Variants in MYO18B observed in about 807,000 individuals in gnomAD.
MYO18B encodes myosin XVIIIB.
A neutral mutation model predicts 273.0 loss-of-function variants in MYO18B; 204 were observed. The ratio of observed to expected loss-of-function variants is 0.75; its 90% CI spans 0.67 to 0.84. MYO18B has a LOEUF of 0.84. MYO18B is among the 40% of genes least tolerant of loss of function. The pLI, the probability that MYO18B is intolerant of heterozygous loss-of-function variation, is 0.00. For missense variants in MYO18B, 3,212 were observed against 3,287.6 expected, an observed-to-expected ratio of 0.98 and a Z score of 0.56; for synonymous variants, 1,330 against 1,305.7, an observed-to-expected ratio of 1.02 and a Z score of -0.40.
intron 36 of MYO18B, among the ~76,000 whole-genome samples, chr22:25,949,994 C>T (rs933736826): frequency 2.0e-5 from 3 of 152,202 alleles, no homozygotes; most frequent in Non-Finnish European, 4.4e-5. Context: ...AGAGGCTCCA[C>T]AGCTTGCTAA....
At chr22:25,935,240 A>T (rs1455788015) in intron 34 of MYO18B, among the ~76,000 whole-genome samples, 1 of 152,152 alleles carries the variant, frequency 6.6e-6, no homozygotes, top group Non-Finnish European at 1.5e-5. Context: ...AAAAGCAGAC[A>T]CTTCCATAAG....
At chr22:25,866,165 A>T (rs1480255374) in intron 21 of MYO18B, among the ~76,000 whole-genome samples, 1 of 150,184 alleles carries the variant, frequency 6.7e-6, no homozygotes, top group Non-Finnish European at 1.5e-5. Flanking sequence ...GCCTCATAAT[A>T]CCTTTTGCTT....
chr22:25,928,867 A>T (rs542227581), intron 34 of MYO18B, among the ~76,000 whole-genome samples: 69 of 152,168 alleles, frequency 4.5e-4, no homozygotes, highest in Middle Eastern at 3.4e-3. Flanking sequence ...AAACCCTAAG[A>T]CAGTGATCTC....
At chr22:26,013,877 G>A (rs1935102985) in intron 42 of MYO18B, among the ~76,000 whole-genome samples, 1 of 151,914 alleles carries the variant, frequency 6.6e-6, no homozygotes, top group Non-Finnish European at 1.5e-5. Flanking sequence ...CTTTTGTATT[G>A]ATCTGTAGTT....
rs754080627 is a variant in MYO18B at position 25,950,394 on chromosome 22, G to A, written c.5776G>A (p.Glu1926Lys). 3 of 1,606,716 alleles carry A rather than the reference G, an allele frequency of 1.9e-6. No homozygotes were observed. The highest frequency in any genetic ancestry group is 2.5e-6 in the Non-Finnish European group (3 of 1,176,620). The change falls in exon 37 of 44, where the codon GAA becomes AAA. Residue 1926 changes from glutamate (E) to lysine (K), a missense_variant. Transcript: ENST00000335473. ...QSAADIGQIQ[E>K]LQLQLEEAKK... ...TGCTGCTGACATTGGGCAGATCCAA[G>A]AACTGCAGCTGCAGCTGGAGGAAGC...
intron 25 of MYO18B, among the ~76,000 whole-genome samples, chr22:25,887,651 C>G (rs1290326766): frequency 6.6e-6 from 1 of 152,142 alleles, no homozygotes; most frequent in African/African-American, 2.4e-5. Context: ...CCTGACAGCT[C>G]TGAGCATGGT....
chr22:25,949,053 G>C (rs1333934409), intron 36 of MYO18B, among the ~76,000 whole-genome samples: 4 of 152,168 alleles, frequency 2.6e-5, no homozygotes, highest in Non-Finnish European at 2.9e-5. Context: ...CTCAGCAAAA[G>C]AAGAGGATCA....
In MYO18B at chr22:25,874,312, C is replaced by T. The variant is rs1283946344; in HGVS notation, c.3978C>T (p.Ser1326=). ...SQVFLKAGVI[S]RLEKQREKLV... ...TTTTTCTCAAGGCAGGTGTGATCTC[C>T]AGGCTTGAGAAGCAGCGAGAGAAGC... Residue 1326 remains serine, a synonymous_variant, in exon 23 of 44, where the codon TCC becomes TCT. Transcript: ENST00000335473. 1.2e-6 allele frequency: 2 copies of T among 1,613,928 alleles called. No homozygotes were observed. The highest frequency in any genetic ancestry group is 1.1e-5 in the South Asian group (1 of 91,074).
At position 25,877,949 on chromosome 22, in the gene MYO18B, G is replaced by C. The variant is rs2091245485; in HGVS notation, c.4225-10G>C. ...TGGAATGGTTTCTGTTCATGTGTTTGTTTTTGTAGGAGGAGCTTACAACGC... is the reference window on the plus strand; with the variant it reads ...TGGAATGGTTTCTGTTCATGTGTTTCTTTTTGTAGGAGGAGCTTACAACGC... On this transcript the variant is annotated splice_polypyrimidine_tract_variant and intron_variant, in intron 24 of 43. Coordinates refer to ENST00000335473, the MANE Select transcript of MYO18B (RefSeq NM_032608.7). 3.8e-6 allele frequency: 6 copies of C among 1,564,226 alleles called. No individual in the cohort carries two copies. The highest frequency in any genetic ancestry group is 1.7e-6 in the Non-Finnish European group (2 of 1,153,784).
chr22:26,009,422 C>T, intron 42 of MYO18B, among the ~76,000 whole-genome samples: 1 of 152,206 alleles, frequency 6.6e-6, no homozygotes, highest in Non-Finnish European at 1.5e-5. Context: ...CCTCATCCAT[C>T]ACCTTGCTGT....
chr22:26,020,228 T>C (rs1935698928), intron 42 of MYO18B, among the ~76,000 whole-genome samples: 1 of 152,206 alleles, frequency 6.6e-6, no homozygotes, highest in Non-Finnish European at 1.5e-5. Flanking sequence ...CATGCAGATA[T>C]AGGTGCCTCC....
intron 12 of MYO18B, among the ~76,000 whole-genome samples, chr22:25,820,571 T>C (rs1359860903): frequency 6.6e-6 from 1 of 152,002 alleles, no homozygotes; most frequent in East Asian, 1.9e-4. Context: ...ATATAATAAG[T>C]GTACATATTT....
At chr22:25,858,869 G>A (rs758134059) in intron 21 of MYO18B, among the ~76,000 whole-genome samples, 7 of 152,210 alleles carry the variant, frequency 4.6e-5, no homozygotes, top group Non-Finnish European at 8.8e-5. Context: ...AAGTGGGATA[G>A]CTTAACAGGT....
At chr22:25,778,192 A>G (rs1324219543) in intron 8 of MYO18B, among the ~76,000 whole-genome samples, 1 of 152,126 alleles carries the variant, frequency 6.6e-6, no homozygotes, top group Non-Finnish European at 1.5e-5. Context: ...GTGAAGCTTC[A>G]AGGGCAGAGT....
At chr22:26,009,274 G>T (rs1934689963) in intron 42 of MYO18B, among the ~76,000 whole-genome samples, 1 of 152,034 alleles carries the variant, frequency 6.6e-6, no homozygotes, top group African/African-American at 2.4e-5. Context: ...AAGCTAATTG[G>T]GATCCAGGAC....
At chr22:25,861,394 T>C (rs1358791312) in intron 21 of MYO18B, among the ~76,000 whole-genome samples, 1 of 152,186 alleles carries the variant, frequency 6.6e-6, no homozygotes, top group Non-Finnish European at 1.5e-5. Flanking sequence ...ATGTCTCCCT[T>C]TGTTTCTAGT....
intron 34 of MYO18B, 67 bp downstream of exon 34, chr22:25,921,476 G>C (rs2092341255): frequency 6.5e-7 from 1 of 1,531,280 alleles, no homozygotes; most frequent in Non-Finnish European, 8.8e-7. Flanking sequence ...GAGAATTGCT[G>C]TCCCTCCCAG....
rs1569224842 is a variant in MYO18B, at chr22:25,948,432, TTCCTTCC to T, written c.5748+606_5748+612del. On this transcript the variant is annotated intron_variant, in intron 36 of 43. Transcript: ENST00000335473. ...TTTCCTTCCTTCCTTCCTTCCTTCC[TTCCTTCC>T]TTCCTTCCTTCCTTCCTTCCTTCTT... Among the ~76,000 whole-genome samples, 45 of 129,368 alleles carry T rather than the reference TTCCTTCC, an allele frequency of 3.5e-4. 1 individual carries two copies. The highest frequency in any genetic ancestry group is 3.0e-3 in the South Asian group (11 of 3,674). The allele number at this position is 129,368 out of a possible 152,430, so 84.9% of individuals were successfully genotyped here. A position where few individuals can be genotyped will look rare whatever the true frequency, so the allele number is the denominator to read the frequency against.
At chr22:25,845,961 G>C (rs2072011) in intron 18 of MYO18B, 139 bp from the exon 19 acceptor site, 4 of 703,328 alleles carry the variant, frequency 5.7e-6, no homozygotes, top group Non-Finnish European at 8.7e-6. Context: ...GGGAGCAGCT[G>C]GGACACATGA....
Sources: gnomAD v4.1 joint callset for allele counts (sites outside exome capture counted in the v4.1 genomes callset) on GRCh38, gnomAD v4.1.1 for gene constraint, MANE v1.5 for transcripts, NCBI Gene and HGNC (gene_info 2026-07-23, HGNC 2026-07-21) for gene names.